MTHFD1L: variants seen among roughly 807,000 people sequenced by gnomAD.
The protein encoded by MTHFD1L is methylenetetrahydrofolate dehydrogenase (NADP+ dependent) 1 like, also known as monofunctional C1-tetrahydrofolate synthase, mitochondrial.
A neutral mutation model predicts 119.5 loss-of-function variants in MTHFD1L; 81 were observed. That is an observed-to-expected ratio of 0.68 (90% confidence interval 0.57 to 0.82). The LOEUF (loss-of-function observed/expected upper bound fraction) is 0.82, where lower values mean the gene tolerates loss of function less well. Ranked by LOEUF, MTHFD1L falls within the 40% of genes least tolerant of loss-of-function variation. The probability of loss-of-function intolerance (pLI) is 0.00; values close to 1 mark genes in which losing one functional copy is unlikely to be tolerated. For synonymous variants in MTHFD1L, 430 were observed against 475.2 expected (o/e 0.90, Z 1.24); for missense variants, 1,125 against 1,253.4 (o/e 0.90, Z 1.55).
chr6:150,916,046 A>T (rs1474779154), intron 8 of MTHFD1L, among the ~76,000 whole-genome samples: 1 of 152,168 alleles, frequency 6.6e-6, no homozygotes, highest in Non-Finnish European at 1.5e-5. Flanking sequence ...CTTTTGCCTA[A>T]ATATGATTCA....
intron 7 of MTHFD1L, among the ~76,000 whole-genome samples, chr6:150,888,760 T>C (rs144492099): frequency 6.6e-6 from 1 of 152,322 alleles, no homozygotes; most frequent in East Asian, 1.9e-4. Context: ...TGTGAATTAT[T>C]ATGCACTTAC....
chr6:151,003,038 G>A (rs1197363197), intron 20 of MTHFD1L, among the ~76,000 whole-genome samples: 2 of 152,178 alleles, frequency 1.3e-5, no homozygotes, highest in East Asian at 1.9e-4. Flanking sequence ...GCCTCCAGTC[G>A]AGAAGGGCTG....
rs1208502711 is a variant in MTHFD1L at position 150,865,712 on chromosome 6, C to T, written c.-111C>T. On this transcript the variant is annotated 5_prime_UTR_variant, in exon 1 of 28. Coordinates refer to ENST00000367321, the MANE Select transcript of MTHFD1L (RefSeq NM_015440.5). ...GGCCCCTGGGACGAGGAGGAAGCGC[C>T]AGGTCCTTCCCGCCGCCGCCGCCGC... 15 of 960,876 alleles carry T rather than the reference C, an allele frequency of 1.6e-5. No homozygotes were observed. Among genetic ancestry groups the T allele is most frequent in the Non-Finnish European group, 1.9e-5 (15 of 772,352 alleles). The allele number at this position is 960,876 out of a possible 1,614,324, so 59.5% of individuals were successfully genotyped here.
chr6:150,990,818 A>C (rs916353557), intron 20 of MTHFD1L, among the ~76,000 whole-genome samples: 1 of 152,068 alleles, frequency 6.6e-6, no homozygotes. Flanking sequence ...TGATGTTGGA[A>C]CATTTGACTA....
chr6:151,064,874 A>G (rs1430658893), intron 26 of MTHFD1L, among the ~76,000 whole-genome samples: 1 of 150,188 alleles, frequency 6.7e-6, no homozygotes, highest in Non-Finnish European at 1.5e-5. Flanking sequence ...GTGATCTTGG[A>G]TCACTGCAAC....
intron 20 of MTHFD1L, among the ~76,000 whole-genome samples, chr6:151,004,388 G>A (rs185473977): frequency 2.6e-5 from 4 of 152,152 alleles, no homozygotes; most frequent in African/African-American, 9.7e-5. Flanking sequence ...GTGCAGTAAG[G>A]TGGGGACATA....
At chr6:151,092,881 A>G (rs1216783690) in intron 27 of MTHFD1L, among the ~76,000 whole-genome samples, 1 of 152,284 alleles carries the variant, frequency 6.6e-6, no homozygotes, top group East Asian at 1.9e-4. Context: ...TCTGACCATA[A>G]CAGAACTCTG....
chr6:151,093,024 G>A (rs1022330778), intron 27 of MTHFD1L, among the ~76,000 whole-genome samples: 2 of 152,166 alleles, frequency 1.3e-5, no homozygotes, highest in African/African-American at 2.4e-5. Flanking sequence ...TGGTGTATCC[G>A]TTTCCTGGGG....
intron 24 of MTHFD1L, chr6:151,022,273 C>A: frequency 3.2e-6 from 1 of 315,710 alleles, no homozygotes; most frequent in Non-Finnish European, 6.4e-6. Flanking sequence ...CTGGAACCTA[C>A]ACCAGTTGTT....
chr6:150,990,886 C>T (rs1333369382), intron 20 of MTHFD1L, among the ~76,000 whole-genome samples: 1 of 151,864 alleles, frequency 6.6e-6, no homozygotes, highest in Non-Finnish European at 1.5e-5. Flanking sequence ...AATGTAGTCT[C>T]GCTCTGTCAC....
intron 26 of MTHFD1L, among the ~76,000 whole-genome samples, chr6:151,070,276 T>C (rs1315228661): frequency 6.6e-6 from 1 of 152,210 alleles, no homozygotes; most frequent in Non-Finnish European, 1.5e-5. Context: ...TGAGAGTTAC[T>C]CTCCCTTAGA....
At chr6:151,059,865 C>T (rs1224971247) in intron 26 of MTHFD1L, among the ~76,000 whole-genome samples, 1 of 152,158 alleles carries the variant, frequency 6.6e-6, no homozygotes, top group South Asian at 2.1e-4. Context: ...GCTTTATTTA[C>T]GAGCGAGTTG....
chr6:150,875,203 G>A (rs1228932654), intron 1 of MTHFD1L, among the ~76,000 whole-genome samples: 1 of 151,988 alleles, frequency 6.6e-6, no homozygotes, highest in Non-Finnish European at 1.5e-5. Context: ...CTACAGTCAC[G>A]TGCCATCACG....
At chr6:150,987,303 CTT>C (rs1778448400) in intron 20 of MTHFD1L, among the ~76,000 whole-genome samples, 1 of 152,108 alleles carries the variant, frequency 6.6e-6, no homozygotes, top group Admixed American at 6.5e-5. Flanking sequence ...CCCCAGTTCT[CTT>C]GTCTGTAAAG....
At chr6:151,077,725 C>T (rs1792682380) in intron 26 of MTHFD1L, among the ~76,000 whole-genome samples, 1 of 151,214 alleles carries the variant, frequency 6.6e-6, no homozygotes, top group Non-Finnish European at 1.5e-5. Flanking sequence ...AAAAACAAAA[C>T]CATAATACTG....
chr6:150,882,504 T>C (rs1368229667), intron 4 of MTHFD1L, among the ~76,000 whole-genome samples: 4 of 152,122 alleles, frequency 2.6e-5, no homozygotes, highest in Non-Finnish European at 5.9e-5. Flanking sequence ...TGGCACAGAG[T>C]AGAGCCATAG....
At chr6:151,032,550 G>A (rs1045259237) in intron 24 of MTHFD1L, among the ~76,000 whole-genome samples, 4 of 152,232 alleles carry the variant, frequency 2.6e-5, no homozygotes, top group African/African-American at 9.6e-5. Context: ...AGATTTGGAG[G>A]GGACCACCAT....
intron 19 of MTHFD1L, among the ~76,000 whole-genome samples, chr6:150,965,660 G>GA (rs5880907): frequency 0.46 from 66,426 of 144,138 alleles, 15,797 homozygotes; most frequent in South Asian, 0.56. Context: ...GACTCCGTCT[G>GA]AAAAAAAAAA....
chr6:150,868,065 G>T (rs1453968532), intron 1 of MTHFD1L, among the ~76,000 whole-genome samples: 1 of 152,082 alleles, frequency 6.6e-6, no homozygotes, highest in Non-Finnish European at 1.5e-5. Flanking sequence ...CTCCCAAAGT[G>T]TTGGGATTAC....
Sources: allele counts gnomAD v4.1 joint callset (sites outside exome capture counted in the v4.1 genomes callset), GRCh38; gene constraint gnomAD v4.1.1; transcripts MANE v1.5; gene names NCBI Gene and HGNC (gene_info 2026-07-23, HGNC 2026-07-21).